PHACTR3: variants seen among roughly 807,000 people sequenced by gnomAD.
PHACTR3 encodes protein phosphatase 1, regulatory subunit 123.
PHACTR3 carries 16 observed loss-of-function variants against 66.8 expected under a neutral mutation model. That is an observed-to-expected ratio of 0.24 (90% confidence interval 0.16 to 0.36). The LOEUF is 0.36. Among genes scored for constraint, PHACTR3 ranks in the 10% least tolerant of loss-of-function variants. The pLI, the probability that PHACTR3 is intolerant of heterozygous loss-of-function variation, is 1.00. For synonymous variants in PHACTR3, 323 were observed against 292.1 expected (o/e 1.11, Z -1.08); for missense variants, 647 against 719.9 (o/e 0.90, Z 1.16).
chr20:59,747,558 C>T (rs913833977), intron 2 of PHACTR3, among the ~76,000 whole-genome samples, 200 bp from the exon 3 acceptor site: 1 of 152,220 alleles, frequency 6.6e-6, no homozygotes, highest in African/African-American at 2.4e-5. Context: ...TGCTCTTTAG[C>T]TGTGGTTTAT....
chr20:59,745,094 C>A (rs2039319527), intron 2 of PHACTR3, among the ~76,000 whole-genome samples: 1 of 152,184 alleles, frequency 6.6e-6, no homozygotes, highest in Non-Finnish European at 1.5e-5. Context: ...CTGCTTTGGG[C>A]CCAGTGGTCC....
intron 3 of PHACTR3, among the ~76,000 whole-genome samples, chr20:59,749,911 C>G (rs1021517660): frequency 1.3e-5 from 2 of 152,094 alleles, no homozygotes; most frequent in African/African-American, 4.8e-5. Flanking sequence ...GTTTGCTCAT[C>G]TCTACCTTCC....
intron 7 of PHACTR3, among the ~76,000 whole-genome samples, chr20:59,781,606 A>C (rs147946377): frequency 1.3e-5 from 2 of 152,324 alleles, no homozygotes; most frequent in African/African-American, 4.8e-5. Flanking sequence ...GGTGTGTCCC[A>C]GCGGCAAAAG....
rs539044367 is a variant in PHACTR3 at position 59,651,658 on chromosome 20, G to A, written c.118+46526G>A. On this transcript the variant is annotated intron_variant, in intron 1 of 12. Transcript: ENST00000371015. ...GTGTTGGAAACAATGCACATATCACGAAGAGTGGACTGGCTGGATAAATAA... is the reference window on the plus strand; with the variant it reads ...GTGTTGGAAACAATGCACATATCACAAAGAGTGGACTGGCTGGATAAATAA... Among the ~76,000 whole-genome samples the A allele has an allele frequency of 9.2e-5, 14 of 152,304 alleles. No homozygotes were observed. In the East Asian group the frequency reaches 2.1e-3, roughly 23 times the overall value.
chr20:59,835,282 G>GGA (rs2042494525), intron 8 of PHACTR3, among the ~76,000 whole-genome samples: 1 of 152,024 alleles, frequency 6.6e-6, no homozygotes, highest in African/African-American at 2.4e-5. Flanking sequence ...ATTGTCAGGG[G>GGA]GGGAGGTTCA....
At chr20:59,720,020 C>G (rs1285286799) in intron 1 of PHACTR3, among the ~76,000 whole-genome samples, 1 of 152,156 alleles carries the variant, frequency 6.6e-6, no homozygotes, top group Non-Finnish European at 1.5e-5. Flanking sequence ...GTTTCCATTT[C>G]TTGGTTTTCC....
intron 1 of PHACTR3, among the ~76,000 whole-genome samples, chr20:59,715,254 A>G (rs879487032): frequency 2.6e-5 from 4 of 152,222 alleles, no homozygotes; most frequent in Non-Finnish European, 5.9e-5. Flanking sequence ...TGGGTTTGCA[A>G]TAGATTTTTT....
At chr20:59,635,148 T>TTTCTTTC (rs1491155985) in intron 1 of PHACTR3, among the ~76,000 whole-genome samples, 5 of 23,650 alleles carry the variant, frequency 2.1e-4, no homozygotes, top group African/African-American at 4.7e-4. Flanking sequence ...TCTTTCTTTC[T>TTTCTTTC]TTTTCTTTCT....
chr20:59,817,730 GA>G (rs1174532192), intron 8 of PHACTR3, among the ~76,000 whole-genome samples: 5 of 152,234 alleles, frequency 3.3e-5, no homozygotes, highest in Admixed American at 6.5e-5. Context: ...ATTGTGGCCA[GA>G]ATTTCCAAGA....
intron 3 of PHACTR3, among the ~76,000 whole-genome samples, chr20:59,752,179 CAT>C (rs1030373404): frequency 3.3e-5 from 5 of 152,206 alleles, no homozygotes; most frequent in African/African-American, 9.6e-5. Flanking sequence ...CCGGGGGACA[CAT>C]GTCTGCACGT....
At chr20:59,605,843 A>C in intron 1 of PHACTR3, among the ~76,000 whole-genome samples, 1 of 34,822 alleles carries the variant, frequency 2.9e-5, no homozygotes, top group African/African-American at 1.2e-4. Context: ...AGGCCTAATA[A>C]AGCGGGGGGG....
chr20:59,683,961 T>G (rs2036761561), intron 1 of PHACTR3, among the ~76,000 whole-genome samples: 1 of 152,188 alleles, frequency 6.6e-6, no homozygotes, highest in Admixed American at 6.5e-5. Flanking sequence ...GGACTATGTA[T>G]TTTCTGAAAG....
rs2039018647 is a variant in PHACTR3, at chr20:59,738,085, C to T, written c.119-5022C>T. Among the ~76,000 whole-genome samples, 2 of 152,032 alleles carry T rather than the reference C, an allele frequency of 1.3e-5. No individual in the cohort carries two copies. Among genetic ancestry groups the T allele is most frequent in the South Asian group, 2.1e-4 (1 of 4,812 alleles). ...GTAGGGAGGGGGAGGCGCCACTGCC[C>T]CTCCTGCCCACCTTCCACCAGTGGA... is the stretch of plus-strand genomic sequence containing the variant. On this transcript the variant is annotated intron_variant, in intron 1 of 12. Transcript: ENST00000371015. The surrounding 1 kb of genome is among the most constrained non-coding windows in gnomAD (Gnocchi z 4.4).
intron 8 of PHACTR3, among the ~76,000 whole-genome samples, chr20:59,811,344 CT>C (rs1331013875): frequency 1.3e-5 from 2 of 152,224 alleles, no homozygotes; most frequent in African/African-American, 4.8e-5. Context: ...GGGCAAAGGA[CT>C]TCACACTTGC....
At chr20:59,788,326 T>G (rs890055082) in intron 7 of PHACTR3, among the ~76,000 whole-genome samples, 9 of 152,166 alleles carry the variant, frequency 5.9e-5, no homozygotes, top group Non-Finnish European at 1.0e-4. Context: ...GCCTGGGCGC[T>G]TCCCTTTCAG....
In PHACTR3 at chr20:59,604,969, G is replaced by C; in HGVS notation, c.-46G>C. On this transcript the variant is annotated 5_prime_UTR_variant, in exon 1 of 13. An upstream open reading frame in the 5' UTR loses its in-frame stop. Transcript: ENST00000371015. ...TGACCTTGGCCGCCTCGGATGCTCT[G>C]ATTCCACGCGGCTCGCTCTAACTTG... is the stretch of plus-strand genomic sequence containing the variant. The C allele has an allele frequency of 8.0e-7, 1 of 1,245,490 alleles. No homozygotes were observed. The highest frequency in any genetic ancestry group is 1.0e-6 in the Non-Finnish European group (1 of 990,018). 77.2% of individuals were successfully genotyped at this position (1,245,490 alleles called of 1,614,324 possible). A position where few individuals can be genotyped will look rare whatever the true frequency, so the allele number is the denominator to read the frequency against.
At chr20:59,706,614 C>T (rs984031009) in intron 1 of PHACTR3, among the ~76,000 whole-genome samples, 1 of 152,196 alleles carries the variant, frequency 6.6e-6, no homozygotes, top group African/African-American at 2.4e-5. Context: ...TAAGCTTGTT[C>T]CTATAAAGAG....
chr20:59,715,514 C>T (rs190022419), intron 1 of PHACTR3, among the ~76,000 whole-genome samples: 184 of 152,260 alleles, frequency 1.2e-3, no homozygotes, highest in African/African-American at 4.3e-3. Context: ...ATTTCTCTGC[C>T]TCTGGTTTAC....
intron 3 of PHACTR3, among the ~76,000 whole-genome samples, chr20:59,748,859 A>G (rs1182473): frequency 0.66 from 100,733 of 152,040 alleles, 33,747 homozygotes; most frequent in Middle Eastern, 0.74. Context: ...TGGCCCAAAT[A>G]TCAGGAATTA....
Sources: allele counts gnomAD v4.1 joint callset (sites outside exome capture counted in the v4.1 genomes callset), GRCh38; gene constraint gnomAD v4.1.1; non-coding constraint Gnocchi (gnomAD v3.1); transcripts MANE v1.5; gene names NCBI Gene and HGNC (gene_info 2026-07-23, HGNC 2026-07-21).